Variants in SORCS2 observed in about 807,000 individuals in gnomAD.
The protein encoded by SORCS2 is sortilin related VPS10 domain containing receptor 2, also known as VPS10 domain-containing receptor SorCS2.
Under a neutral mutation model 141.6 loss-of-function variants are expected in SORCS2, and 100 were observed. The observed-to-expected ratio is 0.71, with a 90% CI of 0.60 to 0.83. The LOEUF is 0.83. Among genes scored for constraint, SORCS2 ranks in the 40% least tolerant of loss-of-function variants. The pLI is 0.00. For missense variants in SORCS2, 1,646 were observed against 1,560.2 expected, an observed-to-expected ratio of 1.05 and a Z score of -0.93; for synonymous variants, 789 against 676.9, an observed-to-expected ratio of 1.17 and a Z score of -2.57.
At chr4:7,280,135 A>G (rs1715773754) in intron 1 of SORCS2, among the ~76,000 whole-genome samples, 1 of 152,088 alleles carries the variant, frequency 6.6e-6, no homozygotes, top group Non-Finnish European at 1.5e-5. Flanking sequence ...CATATTTCCT[A>G]AGGACAAAAG....
intron 1 of SORCS2, among the ~76,000 whole-genome samples, chr4:7,247,701 C>T (rs1425858913): frequency 3.9e-5 from 6 of 152,288 alleles, no homozygotes; most frequent in South Asian, 4.1e-4. Flanking sequence ...CAGCGGGGCG[C>T]GGCCTGGGGG....
chr4:7,473,567 A>C (rs1378677855), intron 2 of SORCS2, among the ~76,000 whole-genome samples: 1 of 152,134 alleles, frequency 6.6e-6, no homozygotes, highest in African/African-American at 2.4e-5. Context: ...AAGCCTAAGA[A>C]TCCTGGTGTG....
chr4:7,556,494 G>A (rs994781776), intron 3 of SORCS2, among the ~76,000 whole-genome samples: 6 of 152,114 alleles, frequency 3.9e-5, no homozygotes, highest in South Asian at 4.1e-4. Context: ...TCACTGGCAC[G>A]GACTCAGCTG....
At position 7,736,927 on chromosome 4, in the gene SORCS2, T is replaced by A. The variant is rs1295462318; in HGVS notation, c.3312-142T>A. ...GCAGAGATGGGGCAGGAGGCAAAAC[T>A]TGGGGCTGGGGTAGGCACCTCTGGA... On this transcript the variant is annotated intron_variant, in intron 25 of 26. Transcript: ENST00000507866. 5 of 1,085,018 alleles carry A rather than the reference T, an allele frequency of 4.6e-6. No homozygotes were observed. The Admixed American group carries it at 1.3e-4, about 28-fold the overall frequency. The allele number at this position is 1,085,018 out of a possible 1,614,324, so 67.2% of individuals were successfully genotyped here. A position where few individuals can be genotyped will look rare whatever the true frequency, so the allele number is the denominator to read the frequency against.
intron 1 of SORCS2, among the ~76,000 whole-genome samples, chr4:7,305,215 T>C (rs1717714339): frequency 1.3e-5 from 2 of 152,100 alleles, no homozygotes; most frequent in Admixed American, 1.3e-4. Context: ...GTATTTTTAG[T>C]AGAGATGGGG....
intron 1 of SORCS2, among the ~76,000 whole-genome samples, chr4:7,376,121 C>G (rs946916658): frequency 1.3e-5 from 2 of 152,244 alleles, no homozygotes; most frequent in Non-Finnish European, 1.5e-5. Context: ...GACAATTGAC[C>G]TCTGCATCTC....
intron 5 of SORCS2, 35 bp downstream of exon 5, chr4:7,654,242 C>T (rs1358462645): frequency 1.7e-5 from 26 of 1,550,052 alleles, no homozygotes; most frequent in Non-Finnish European, 2.3e-5. Context: ...CCCATGGGGC[C>T]CGCAGCTCTG....
intron 3 of SORCS2, among the ~76,000 whole-genome samples, chr4:7,569,278 T>C (rs1264757418): frequency 6.6e-6 from 1 of 152,140 alleles, no homozygotes; most frequent in Non-Finnish European, 1.5e-5. Flanking sequence ...TTTGGGAGGC[T>C]GAGGTGGGCA....
At chr4:7,209,098 C>A (rs1727909898) in intron 1 of SORCS2, among the ~76,000 whole-genome samples, 1 of 152,220 alleles carries the variant, frequency 6.6e-6, no homozygotes, top group South Asian at 2.1e-4. Flanking sequence ...CTTCATCTTT[C>A]TCTTCCCTAG....
At chr4:7,407,090 T>A (rs557934875) in intron 2 of SORCS2, among the ~76,000 whole-genome samples, 31 of 152,252 alleles carry the variant, frequency 2.0e-4, no homozygotes, top group Admixed American at 9.2e-4. Context: ...CAGACCTGTT[T>A]CGTGGCCTAA....
intron 2 of SORCS2, among the ~76,000 whole-genome samples, chr4:7,477,228 G>C (rs1730351564): frequency 1.3e-5 from 2 of 151,650 alleles, no homozygotes; most frequent in African/African-American, 4.8e-5. Flanking sequence ...CTTGGGAATA[G>C]CCTGAGTCAT....
chr4:7,436,569 A>G (rs1727315921), intron 2 of SORCS2, among the ~76,000 whole-genome samples: 1 of 152,220 alleles, frequency 6.6e-6, no homozygotes, highest in African/African-American at 2.4e-5. Context: ...GCCTGGCACA[A>G]CATCCCGATA....
intron 1 of SORCS2, among the ~76,000 whole-genome samples, chr4:7,370,904 G>C (rs1722207939): frequency 6.6e-6 from 1 of 152,154 alleles, no homozygotes; most frequent in Non-Finnish European, 1.5e-5. Context: ...CCCCTAGGCA[G>C]CTGCTGCTGA....
intron 1 of SORCS2, among the ~76,000 whole-genome samples, chr4:7,331,287 CTGGGGTGGT>C (rs1719640549): frequency 6.6e-6 from 1 of 151,994 alleles, no homozygotes; most frequent in Non-Finnish European, 1.5e-5. Context: ...GTTCTTGGGG[CTGGGGTGGT>C]TGGGGTGCAG....
At chr4:7,672,546 G>T (rs912073916) in intron 8 of SORCS2, among the ~76,000 whole-genome samples, 1 of 152,130 alleles carries the variant, frequency 6.6e-6, no homozygotes, top group African/African-American at 2.4e-5. Context: ...ACTAATGGAA[G>T]AATACATCTA....
intron 1 of SORCS2, among the ~76,000 whole-genome samples, chr4:7,203,899 T>C (rs1003060704): frequency 2.0e-5 from 3 of 152,194 alleles, no homozygotes; most frequent in African/African-American, 7.2e-5. Flanking sequence ...CTCATATGGG[T>C]GGAACCATAC....
chr4:7,714,034 C>T (rs1399010359), intron 15 of SORCS2, among the ~76,000 whole-genome samples: 1 of 152,206 alleles, frequency 6.6e-6, no homozygotes, highest in Non-Finnish European at 1.5e-5. Flanking sequence ...ACAGGAGGGG[C>T]TCAGTGAATG....
At chr4:7,394,614 C>G (rs774704537) in intron 1 of SORCS2, among the ~76,000 whole-genome samples, 68 of 151,854 alleles carry the variant, frequency 4.5e-4, no homozygotes, top group Middle Eastern at 3.4e-3. Context: ...CTGGTGGGGA[C>G]TCTCCCCTCG....
chr4:7,661,502 C>G lies in SORCS2; in HGVS notation c.890C>G (p.Ser297Cys), dbSNP rs987999034. ...ERVTKDHVFW[S>C]VSGVDADPDL... The stretch of plus-strand genomic sequence containing the variant: ...CAGCCTCAGCTCTTCTTTTCCAGGT[C>G]TGTGTCTGGGGTGGACGCTGACCCT... The change falls in exon 6 of 27, where the codon TCT becomes TGT. Residue 297 changes from serine to cysteine, a missense_variant and splice_region_variant. Ser to Cys is a moderately radical substitution (Grantham distance 112). Transcript: ENST00000507866. 5.8e-6 allele frequency: 9 copies of G among 1,551,562 alleles called. No individual in the cohort carries two copies. The highest frequency in any genetic ancestry group is 2.0e-5 in the Admixed American group (1 of 50,984).
Sources: allele counts gnomAD v4.1 joint callset (sites outside exome capture counted in the v4.1 genomes callset), GRCh38; gene constraint gnomAD v4.1.1; transcripts MANE v1.5; gene names NCBI Gene and HGNC (gene_info 2026-07-23, HGNC 2026-07-21).